The following PACRG variants were observed in gnomAD, a reference collection of about 807,000 sequenced individuals.
PACRG encodes the protein parkin coregulated gene protein.
In PACRG, 29 loss-of-function variants were observed where a neutral mutation model predicts 29.7. The observed-to-expected ratio is 0.98, with a 90% CI of 0.73 to 1.33. The LOEUF is 1.33. PACRG is among the 40% of genes most tolerant of loss of function. The probability of loss-of-function intolerance (pLI) is 0.00; values close to 1 mark genes in which losing one functional copy is unlikely to be tolerated. For missense variants in PACRG, 279 were observed against 316.2 expected (o/e 0.88, Z 0.89); for synonymous variants, 116 against 118.7 (o/e 0.98, Z 0.15).
At chr6:163,203,999 C>G (rs991172011) in intron 4 of PACRG, among the ~76,000 whole-genome samples, 15 of 152,106 alleles carry the variant, frequency 9.9e-5, no homozygotes, top group African/African-American at 3.6e-4. Flanking sequence ...TGCAAATAGT[C>G]GGAACTAATT....
intron 2 of PACRG, among the ~76,000 whole-genome samples, chr6:162,959,018 G>A (rs1800383120): frequency 6.8e-6 from 1 of 148,058 alleles, no homozygotes; most frequent in Admixed American, 6.8e-5. Flanking sequence ...CCTGACTCAA[G>A]CAATCCTGCC....
intron 4 of PACRG, among the ~76,000 whole-genome samples, chr6:163,159,245 G>A (rs1778448113): frequency 6.8e-6 from 1 of 146,944 alleles, no homozygotes; most frequent in Non-Finnish European, 1.5e-5. Flanking sequence ...TTTCATTTTA[G>A]CTAAGAATAA....
intron 2 of PACRG, among the ~76,000 whole-genome samples, chr6:163,029,706 G>T (rs1562846895): frequency 6.6e-6 from 1 of 152,090 alleles, no homozygotes; most frequent in Non-Finnish European, 1.5e-5. Context: ...TGGAGCCCCT[G>T]CAACCATTCT....
At chr6:162,733,728 G>A (rs1036222395) in intron 1 of PACRG, among the ~76,000 whole-genome samples, 1 of 152,208 alleles carries the variant, frequency 6.6e-6, no homozygotes, top group East Asian at 1.9e-4. Context: ...TGCCCTTCCT[G>A]TTTCCTCTGC....
At position 163,153,260 on chromosome 6, in the gene PACRG, G is replaced by T. The variant is rs868259454; in HGVS notation, c.613+63852G>T. 3.3e-5 allele frequency among the ~76,000 whole-genome samples: 5 copies of T among 152,072 alleles called. No homozygotes were observed. The South Asian group carries it at 6.2e-4, about 19-fold the overall frequency. ...ATGATACCGATAGTTTGGTATCTCC[G>T]ATCTGATCAATAAACTCTACTCTTA... On this transcript the variant is annotated intron_variant, in intron 4 of 4. Coordinates refer to ENST00000366888, the MANE Select transcript of PACRG (RefSeq NM_001080379.2).
At chr6:163,122,046 G>T (rs138620393) in intron 4 of PACRG, among the ~76,000 whole-genome samples, 1 of 151,964 alleles carries the variant, frequency 6.6e-6, no homozygotes. Context: ...AAAAGAGGGC[G>T]CCTTATTAAT....
At position 162,966,071 on chromosome 6, in the gene PACRG, CAG is replaced by C. The variant is rs911210084; in HGVS notation, c.292-96078_292-96077del. Among the ~76,000 whole-genome samples the C allele has an allele frequency of 4.5e-4, 68 of 152,220 alleles. 2 individuals are homozygous for C. Among genetic ancestry groups the C allele is most frequent in the Non-Finnish European group, 5.9e-5 (4 of 68,046 alleles). On this transcript the variant is annotated intron_variant, in intron 2 of 4. Transcript: ENST00000366888. ...AGATTTGTTTCTCTACAGGAAAAGA[CAG>C]GGCCTGGCTAAGCAGGTGTTTAGTA...
chr6:163,254,545 C>G (rs761468677), intron 4 of PACRG, among the ~76,000 whole-genome samples: 1 of 152,206 alleles, frequency 6.6e-6, no homozygotes, highest in Admixed American at 6.5e-5. Context: ...CTTCAGCTCG[C>G]GAGTGGGCTC....
At chr6:162,819,351 A>G (rs1386518641) in intron 2 of PACRG, among the ~76,000 whole-genome samples, 1 of 152,250 alleles carries the variant, frequency 6.6e-6, no homozygotes, top group East Asian at 1.9e-4. Flanking sequence ...GTATTAAAAA[A>G]TGACTTATTA....
chr6:162,991,992 G>A (rs1401878989), intron 2 of PACRG, among the ~76,000 whole-genome samples: 1 of 131,282 alleles, frequency 7.6e-6, no homozygotes, highest in South Asian at 2.4e-4. Flanking sequence ...CATCTATTGA[G>A]ATAATCATGT....
chr6:162,968,754 CA>C (rs2128155781), intron 2 of PACRG, among the ~76,000 whole-genome samples: 1 of 152,130 alleles, frequency 6.6e-6, no homozygotes, highest in East Asian at 1.9e-4. Context: ...AAAATCTTCA[CA>C]GTAAATTGAT....
intron 4 of PACRG, among the ~76,000 whole-genome samples, chr6:163,287,823 G>C (rs576228378): frequency 6.6e-6 from 1 of 152,210 alleles, no homozygotes; most frequent in Non-Finnish European, 1.5e-5. Flanking sequence ...CCTCAGAACG[G>C]TGTGGCCCGA....
chr6:162,944,858 T>C (rs1032090510), intron 2 of PACRG, among the ~76,000 whole-genome samples: 7 of 151,972 alleles, frequency 4.6e-5, no homozygotes, highest in African/African-American at 7.2e-5. Flanking sequence ...ATATTTGAAA[T>C]TTTGGTGTAC....
rs547060497 is a variant in PACRG, at chr6:162,810,281, A to T, written c.157-3866A>T. Among the ~76,000 whole-genome samples, 6 of 152,324 alleles carry T rather than the reference A, an allele frequency of 3.9e-5. No individual in the cohort carries two copies. The East Asian group carries it at 7.7e-4, about 20-fold the overall frequency. On this transcript the variant is annotated intron_variant, in intron 1 of 4. Coordinates refer to ENST00000366888, the MANE Select transcript of PACRG (RefSeq NM_001080379.2). ...GAGACCTCTACCCCAACTTGGCAGT[A>T]ATAAGGTAGCACCCTTCCCCCAACC...
intron 4 of PACRG, among the ~76,000 whole-genome samples, chr6:163,162,520 A>G (rs1778598991): frequency 6.6e-6 from 1 of 152,154 alleles, no homozygotes; most frequent in Non-Finnish European, 1.5e-5. Flanking sequence ...CTCCTGCTCC[A>G]TCTGATGCCA....
chr6:162,767,821 C>T (rs1244384110), intron 1 of PACRG, among the ~76,000 whole-genome samples: 3 of 151,764 alleles, frequency 2.0e-5, no homozygotes, highest in Non-Finnish European at 2.9e-5. Context: ...TTCTTTTAGC[C>T]ATTATTTTTG....
chr6:163,134,532 C>T (rs529407352), intron 4 of PACRG, among the ~76,000 whole-genome samples: 4 of 152,262 alleles, frequency 2.6e-5, no homozygotes, highest in African/African-American at 7.2e-5. Flanking sequence ...AAGGATACCA[C>T]AGACCAACAC....
chr6:163,105,243 A>G (rs1234569720), intron 4 of PACRG, among the ~76,000 whole-genome samples: 3 of 152,216 alleles, frequency 2.0e-5, no homozygotes, highest in Non-Finnish European at 4.4e-5. Flanking sequence ...GGCCCAATGC[A>G]TAATGTACCA....
intron 1 of PACRG, among the ~76,000 whole-genome samples, chr6:162,786,062 G>A (rs1784445538): frequency 6.6e-6 from 1 of 152,236 alleles, no homozygotes; most frequent in Non-Finnish European, 1.5e-5. Flanking sequence ...AAAGGGAAGT[G>A]TTTGTTGTGG....
Sources: gnomAD v4.1 joint callset for allele counts (sites outside exome capture counted in the v4.1 genomes callset) on GRCh38, gnomAD v4.1.1 for gene constraint, MANE v1.5 for transcripts, NCBI Gene and HGNC (gene_info 2026-07-23, HGNC 2026-07-21) for gene names.